GIT2: variants seen among roughly 807,000 people sequenced by gnomAD.
The protein encoded by GIT2 is GIT ArfGAP 2, also known as ARF GTPase-activating protein GIT2.
In GIT2, 32 loss-of-function variants were observed where a neutral mutation model predicts 100.3. The ratio of observed to expected loss-of-function variants is 0.32; its 90% confidence interval spans 0.24 to 0.43. The LOEUF (loss-of-function observed/expected upper bound fraction) is 0.43. Ranked by LOEUF, GIT2 falls within the 20% of genes least tolerant of loss-of-function variation. GIT2 has a pLI of 1.00. For synonymous variants in GIT2, 353 were observed against 364.1 expected (o/e 0.97, Z 0.35); for missense variants, 737 against 975.1 (o/e 0.76, Z 3.25).
chr12:109,953,450 C>A, intron 12 of GIT2: 1 of 511,436 alleles, frequency 2.0e-6, no homozygotes, highest in Non-Finnish European at 3.5e-6. Context: ...GAGACTCCAT[C>A]CCTACACAAT....
rs1876993574 is a variant in GIT2, at chr12:109,948,652, C to A, written c.1393-1148G>T. ...TACTCTTTGACAGAGATTGTAAAAT[C>A]TGACCAAATTCCCCACCAGTGCCAA... On this transcript the variant is annotated intron_variant, in intron 14 of 19. Transcript: ENST00000355312. This position sits in a 1 kb window ranked among gnomAD's most constrained non-coding sequence, Gnocchi z 4.3. The A allele has an allele frequency of 7.0e-7, 1 of 1,429,092 alleles. No individual in the cohort carries two copies. The highest frequency in any genetic ancestry group is 1.6e-5 in the South Asian group (1 of 63,992). The allele number at this position is 1,429,092 out of a possible 1,614,324, so 88.5% of individuals were successfully genotyped here. A position where few individuals can be genotyped will look rare whatever the true frequency, so the allele number is the denominator to read the frequency against.
Position 109,991,686 on chromosome 12 carries a change from G to A in GIT2, c.127C>T (p.Arg43Cys), listed in dbSNP as rs1440996987. Reference protein sequence around the residue: ...ECCSVHRSLGRHISQVRHLKH... With the variant: ...ECCSVHRSLGCHISQVRHLKH... ...AGATGCCTCACTTGGGAGATATGGCGCCCTAGACTCCGATGGACACTGCAG... is the reference window on the plus strand; with the variant it reads ...AGATGCCTCACTTGGGAGATATGGCACCCTAGACTCCGATGGACACTGCAG... The change falls in exon 2 of 20, where the codon CGC (arginine) becomes TGC (cysteine). Residue 43 changes from arginine (R) to cysteine (C), a missense_variant. Physicochemically the swap from Arg to Cys is radical, Grantham distance 180. Coordinates refer to ENST00000355312, the MANE Select transcript of GIT2 (RefSeq NM_057169.5). 5.0e-6 allele frequency: 8 copies of A among 1,611,776 alleles called. No individual in the cohort carries two copies. Among genetic ancestry groups the A allele is most frequent in the South Asian group, 1.1e-5 (1 of 91,036 alleles).
intron 1 of GIT2, 188 bp downstream of exon 1, chr12:109,995,985 G>A (rs921544646): frequency 4.2e-6 from 2 of 475,506 alleles, no homozygotes; most frequent in Admixed American, 4.4e-5. Flanking sequence ...CGCGAGGGAC[G>A]GGGAGGGCGG....
intron 7 of GIT2, among the ~76,000 whole-genome samples, chr12:109,976,234 T>C (rs1483756442): frequency 6.6e-6 from 1 of 151,964 alleles, no homozygotes; most frequent in African/African-American, 2.4e-5. Flanking sequence ...TTTTATATTA[T>C]AGTTGTCAAA....
At chr12:109,981,238 T>A in intron 6 of GIT2, 192 bp from the exon 7 acceptor site, 1 of 531,822 alleles carries the variant, frequency 1.9e-6, no homozygotes, top group South Asian at 2.5e-5. Flanking sequence ...TTTCACCATC[T>A]GAACTATCGC....
chr12:109,946,082 T>C (rs537488337), intron 15 of GIT2, among the ~76,000 whole-genome samples: 15 of 151,936 alleles, frequency 9.9e-5, no homozygotes, highest in South Asian at 4.2e-4. Flanking sequence ...TGCAGTGAGC[T>C]GAGATCACAC....
In GIT2 at chr12:109,991,710, A is replaced by G; in HGVS notation, c.103T>C (p.Cys35Arg). ...CGCCCTAGACTCCGATGGACACTGC[A>G]GCACTCATCACATAAAAACGTTCCC... is the stretch of plus-strand genomic sequence containing the variant. Reference protein sequence around the residue: ...NRGTFLCDECCSVHRSLGRHI... With the variant: ...NRGTFLCDECRSVHRSLGRHI... Residue 35 changes from cysteine to arginine, a missense_variant, in exon 2 of 20, where the codon TGC becomes CGC. Cys to Arg is a radical substitution (Grantham distance 180). Coordinates refer to ENST00000355312, the MANE Select transcript of GIT2 (RefSeq NM_057169.5). 1 of 1,612,776 alleles carries G rather than the reference A, an allele frequency of 6.2e-7. No individual in the cohort carries two copies.
chr12:109,999,089 CA>C (rs1480257140), upstream of GIT2: 2 of 152,280 alleles, frequency 1.3e-5, no homozygotes, highest in Non-Finnish European at 2.9e-5. The surrounding 1 kb of genome is among the most constrained non-coding windows in gnomAD (Gnocchi z 4.3). Flanking sequence ...AAAAAGGCTG[CA>C]AGGGTGTCGG....
chr12:109,978,026 T>C (rs1299287866), intron 7 of GIT2, among the ~76,000 whole-genome samples: 1 of 152,058 alleles, frequency 6.6e-6, no homozygotes, highest in Admixed American at 6.6e-5. Context: ...TCTTTGGAAT[T>C]TTCTAAGTTT....
intron 7 of GIT2, among the ~76,000 whole-genome samples, chr12:109,970,217 G>A (rs367906718): frequency 2.6e-5 from 4 of 152,092 alleles, no homozygotes; most frequent in African/African-American, 9.7e-5. Flanking sequence ...TCCTGGGGCG[G>A]GTGCAGTGGC....
chr12:109,937,248 G>A (rs1383987817), intron 18 of GIT2, among the ~76,000 whole-genome samples: 1 of 152,150 alleles, frequency 6.6e-6, no homozygotes, highest in Non-Finnish European at 1.5e-5. Flanking sequence ...AGAAAAGGGA[G>A]GTTGGCCCAG....
At chr12:109,991,309 CAAAA>C (rs748628189) in intron 2 of GIT2, among the ~76,000 whole-genome samples, 4 of 76,560 alleles carry the variant, frequency 5.2e-5, no homozygotes, top group Non-Finnish European at 1.1e-4. Context: ...GAGTCCGTCT[CAAAA>C]AAAAAAAAAA....
intron 8 of GIT2, 45 bp downstream of exon 8, chr12:109,967,413 A>G (rs772171042): frequency 1.3e-6 from 2 of 1,511,702 alleles, no homozygotes; most frequent in Admixed American, 3.4e-5. Flanking sequence ...CAACCAAGGA[A>G]ATATTAGCGA....
At chr12:109,966,425 C>G (rs1882420064) in intron 8 of GIT2, among the ~76,000 whole-genome samples, 1 of 142,068 alleles carries the variant, frequency 7.0e-6, no homozygotes, top group Non-Finnish European at 1.5e-5. Flanking sequence ...AGGAGAATTG[C>G]TTGAACCTGG....
At chr12:109,985,692 A>C (rs952122185) in intron 4 of GIT2, among the ~76,000 whole-genome samples, 1 of 152,068 alleles carries the variant, frequency 6.6e-6, no homozygotes, top group Non-Finnish European at 1.5e-5. Flanking sequence ...TCTACTAAAA[A>C]TACAAAAAAA....
rs1243715265 is a variant in GIT2 at position 109,954,297 on chromosome 12, C to CA, written c.1100-1064dup. 5.6e-3 allele frequency: 630 copies of CA among 112,708 alleles called. 3 individuals carry two copies. Among genetic ancestry groups the CA allele is most frequent in the African/African-American group, 0.014 (431 of 29,808 alleles). The allele number at this position is 112,708 out of a possible 1,614,324, so 7.0% of individuals were successfully genotyped here. ...TGGGCGACAGAGCAAGACTCCGTCT[C>CA]AAAAAAAAAAAAAAGAATAGAAACA... On this transcript the variant is annotated intron_variant, in intron 12 of 19. Coordinates refer to ENST00000355312, the MANE Select transcript of GIT2 (RefSeq NM_057169.5).
intron 7 of GIT2, among the ~76,000 whole-genome samples, chr12:109,969,549 C>A (rs905656770): frequency 6.6e-6 from 1 of 152,006 alleles, no homozygotes; most frequent in African/African-American, 2.4e-5. Context: ...TAAGAGGTTT[C>A]TTTTTCCCCC....
At chr12:109,971,304 T>G (rs1400412745) in intron 7 of GIT2, among the ~76,000 whole-genome samples, 1 of 152,100 alleles carries the variant, frequency 6.6e-6, no homozygotes, top group Admixed American at 6.6e-5. Flanking sequence ...TCATTAGATT[T>G]ATACCTAAGT....
At position 109,938,454 on chromosome 12, in the gene GIT2, G is replaced by A. The variant is rs764595243; in HGVS notation, c.1929C>T (p.Val643=). 1 of 1,613,924 alleles carries A rather than the reference G, an allele frequency of 6.2e-7. No homozygotes were observed. Among genetic ancestry groups the A allele is most frequent in the African/African-American group, 1.3e-5 (1 of 75,032 alleles). The change falls in exon 18 of 20, where the codon GTC becomes GTT. Residue 643 remains valine (V), a synonymous_variant. Transcript: ENST00000355312. Reference sequence around the variant, plus strand: ...TGGTGATCTGTTCAGTCTTCCTGATGACATCTTCGGTGCTAGGGAGAGTGG... The same window carrying A: ...TGGTGATCTGTTCAGTCTTCCTGATAACATCTTCGGTGCTAGGGAGAGTGG... ...PSPTLPSTED[V]IRKTEQITKN... is the part of the protein sequence containing the mutation.
Sources: gnomAD v4.1 joint callset for allele counts (sites outside exome capture counted in the v4.1 genomes callset) on GRCh38, gnomAD v4.1.1 for gene constraint, Gnocchi (gnomAD v3.1) non-coding constraint, MANE v1.5 for transcripts, NCBI Gene and HGNC (gene_info 2026-07-23, HGNC 2026-07-21) for gene names.